The following ZNF521 variants were observed in gnomAD, a reference collection of about 807,000 sequenced individuals.
ZNF521 encodes the protein LYST-interacting protein 3.
Under a neutral mutation model 105.5 loss-of-function variants are expected in ZNF521, and 14 were observed. That is an observed-to-expected ratio of 0.13 (90% CI 0.09 to 0.21). The LOEUF (loss-of-function observed/expected upper bound fraction) is 0.21, where lower values mean the gene tolerates loss of function less well. Among genes scored for constraint, ZNF521 ranks in the 10% least tolerant of loss-of-function variants. The pLI is 1.00. For synonymous variants in ZNF521, 635 were observed against 606.0 expected (o/e 1.05, Z -0.70); for missense variants, 1,233 against 1,629.7 (o/e 0.76, Z 4.19).
rs1344664183 is a variant in ZNF521 at position 25,117,054 on chromosome 18, T to TATAC, written c.3659-24974_3659-24973insGTAT. Reference sequence around the variant, plus strand: ...ACATACACACACACACACATATATATACACACACACACACACACACACACA... The same window carrying TATAC: ...ACATACACACACACACACATATATATATACACACACACACACACACACACACACA... On this transcript the variant is annotated intron_variant, in intron 5 of 7. Transcript: ENST00000361524. Among the ~76,000 whole-genome samples the TATAC allele has an allele frequency of 1.0e-3, 65 of 64,696 alleles. No individual in the cohort carries two copies. The East Asian group carries it at 0.022, about 22-fold the overall frequency. The allele number at this position is 64,696 out of a possible 152,430, so 42.4% of individuals were successfully genotyped here.
intron 7 of ZNF521, among the ~76,000 whole-genome samples, chr18:25,083,204 T>G (rs2033542220): frequency 6.6e-6 from 1 of 152,140 alleles, no homozygotes; most frequent in African/African-American, 2.4e-5. Context: ...GTTTTGTAGT[T>G]AGAGGTTAAA....
At chr18:25,341,776 A>C (rs1268979157) in intron 2 of ZNF521, among the ~76,000 whole-genome samples, 1 of 152,196 alleles carries the variant, frequency 6.6e-6, no homozygotes, top group Non-Finnish European at 1.5e-5. Context: ...TCACCTGCAG[A>C]GCTTTCTTCC....
chr18:25,089,952 T>G (rs572160199), intron 6 of ZNF521, among the ~76,000 whole-genome samples: 53 of 152,336 alleles, frequency 3.5e-4, no homozygotes, highest in African/African-American at 1.3e-3. Context: ...ACCCTGTTTA[T>G]TGTGTTTGCC....
chr18:25,062,679 A>C lies in ZNF521; in HGVS notation c.*33T>G. The C allele has an allele frequency of 3.2e-6, 5 of 1,575,066 alleles. No individual in the cohort carries two copies. Among genetic ancestry groups the C allele is most frequent in the Non-Finnish European group, 4.3e-6 (5 of 1,165,786 alleles). ...AAAACATGTTCCCTTTTTGTGCCAC[A>C]AAATCAATTCTCCTTGAGAGACTGT... On this transcript the variant is annotated 3_prime_UTR_variant, in exon 8 of 8. Transcript: ENST00000361524.
chr18:25,344,791 C>T (rs369330084), intron 2 of ZNF521, among the ~76,000 whole-genome samples: 2 of 152,256 alleles, frequency 1.3e-5, no homozygotes, highest in African/African-American at 2.4e-5. Flanking sequence ...AATCACTTTC[C>T]CTCTTAAAAT....
intron 2 of ZNF521, among the ~76,000 whole-genome samples, chr18:25,343,111 GTC>G (rs898173180): frequency 6.6e-6 from 1 of 152,172 alleles, no homozygotes; most frequent in African/African-American, 2.4e-5. Context: ...ATATGGAACT[GTC>G]TGTAATCAAT....
intron 3 of ZNF521, among the ~76,000 whole-genome samples, chr18:25,236,459 C>T (rs1259829376): frequency 6.6e-6 from 1 of 151,818 alleles, no homozygotes; most frequent in African/African-American, 2.4e-5. Context: ...TTGCCTGAAC[C>T]CGGGAGGCAG....
At position 25,224,330 on chromosome 18, in the gene ZNF521, A is replaced by G. The variant is rs1360994111; in HGVS notation, c.3573+15T>C. ...TGAGGAGGTTAAATAGCAAACATTA[A>G]AAAAGGCGAGTTACCTCATCCGACT... On this transcript the variant is annotated intron_variant, in intron 4 of 7. Transcript: ENST00000361524. 8.1e-6 allele frequency: 13 copies of G among 1,595,094 alleles called. No individual in the cohort carries two copies. Among genetic ancestry groups the G allele is most frequent in the African/African-American group, 1.3e-5 (1 of 74,112 alleles).
At chr18:25,153,871 T>C (rs1225393161) in intron 5 of ZNF521, among the ~76,000 whole-genome samples, 1 of 152,130 alleles carries the variant, frequency 6.6e-6, no homozygotes, top group African/African-American at 2.4e-5. Context: ...AGTCGTAATA[T>C]CAAGAACACA....
At chr18:25,243,541 TAAAC>T (rs2144810271) in intron 3 of ZNF521, among the ~76,000 whole-genome samples, 1 of 152,334 alleles carries the variant, frequency 6.6e-6, no homozygotes, top group Admixed American at 6.5e-5. Flanking sequence ...ATAACTGAAA[TAAAC>T]TGAAATGAGT....
chr18:25,119,759 C>T (rs1178184951), intron 5 of ZNF521, among the ~76,000 whole-genome samples: 1 of 151,458 alleles, frequency 6.6e-6, no homozygotes, highest in Non-Finnish European at 1.5e-5. Context: ...TTAAGTTTTA[C>T]CTTAAGAAGC....
At position 25,225,461 on chromosome 18, in the gene ZNF521, A is replaced by G. The variant is rs1359063933; in HGVS notation, c.2457T>C (p.His819=). The change falls in exon 4 of 8, where the codon CAT becomes CAC. Residue 819 remains histidine (H), a synonymous_variant. Transcript: ENST00000361524. This position sits in a 1 kb window ranked among gnomAD's most constrained non-coding sequence, Gnocchi z 5.6. The part of the protein sequence containing the change: ...YNCKFCSKAF[H]AIILLEKHLR... ...AGTGTTTTTCTAACAAAATGATCGCATGGAAGGCTTTGCTACAGAACTTGC... is the reference window on the plus strand; with the variant it reads ...AGTGTTTTTCTAACAAAATGATCGCGTGGAAGGCTTTGCTACAGAACTTGC... 1 of 1,614,062 alleles carries G rather than the reference A, an allele frequency of 6.2e-7. No individual in the cohort carries two copies. Among genetic ancestry groups the G allele is most frequent in the African/African-American group, 1.3e-5 (1 of 74,914 alleles).
intron 5 of ZNF521, among the ~76,000 whole-genome samples, chr18:25,124,622 A>G (rs576367776): frequency 6.6e-6 from 1 of 152,106 alleles, no homozygotes; most frequent in South Asian, 2.1e-4. Context: ...TTTTTGTCGT[A>G]TTGCTGTTCT....
intron 4 of ZNF521, among the ~76,000 whole-genome samples, chr18:25,207,447 G>T (rs1050546417): frequency 2.6e-5 from 4 of 152,192 alleles, no homozygotes; most frequent in Non-Finnish European, 5.9e-5. Context: ...TCCATCGCCA[G>T]TTCTTGCTAC....
intron 3 of ZNF521, among the ~76,000 whole-genome samples, chr18:25,266,296 T>C (rs911820202): frequency 3.9e-5 from 6 of 152,214 alleles, no homozygotes; most frequent in African/African-American, 1.4e-4. Context: ...AAGCATCTCA[T>C]GTACTCCTAC....
At chr18:25,213,469 AC>A (rs2036229053) in intron 4 of ZNF521, among the ~76,000 whole-genome samples, 1 of 151,912 alleles carries the variant, frequency 6.6e-6, no homozygotes, top group Non-Finnish European at 1.5e-5. Context: ...CTGAAATTGA[AC>A]CCACCTTGCA....
chr18:25,120,240 T>A (rs964112778), intron 5 of ZNF521, among the ~76,000 whole-genome samples: 1 of 152,218 alleles, frequency 6.6e-6, no homozygotes, highest in South Asian at 2.1e-4. Flanking sequence ...ATTCCTCTTA[T>A]GAGGTCAGCA....
intron 3 of ZNF521, among the ~76,000 whole-genome samples, chr18:25,282,789 C>G (rs918191247): frequency 5.3e-5 from 8 of 151,892 alleles, no homozygotes; most frequent in Non-Finnish European, 8.8e-5. Flanking sequence ...ACCAGGGACA[C>G]CTGCAAATAA....
chr18:25,221,202 G>C (rs909283658), intron 4 of ZNF521, among the ~76,000 whole-genome samples: 3 of 152,094 alleles, frequency 2.0e-5, no homozygotes, highest in Non-Finnish European at 1.5e-5. Flanking sequence ...AGAAGAAATG[G>C]GATTCAAACT....
Sources: gnomAD v4.1 joint callset for allele counts (sites outside exome capture counted in the v4.1 genomes callset) on GRCh38, gnomAD v4.1.1 for gene constraint, Gnocchi (gnomAD v3.1) non-coding constraint, MANE v1.5 for transcripts, NCBI Gene and HGNC (gene_info 2026-07-23, HGNC 2026-07-21) for gene names.